Variants in ADGRA3 observed in about 807,000 individuals in gnomAD.
The protein encoded by ADGRA3 is adhesion G protein-coupled receptor A3, also known as G-protein coupled receptor 125.
In ADGRA3, 56 loss-of-function variants were observed where a neutral mutation model predicts 119.8. The ratio of observed to expected loss-of-function variants is 0.47; its 90% CI spans 0.38 to 0.58. ADGRA3 has a LOEUF of 0.58. Among genes scored for constraint, ADGRA3 ranks in the 20% least tolerant of loss-of-function variants. The pLI, the probability that ADGRA3 is intolerant of heterozygous loss-of-function variation, is 0.00. For synonymous variants in ADGRA3, 607 were observed against 623.8 expected, an observed-to-expected ratio of 0.97 and a Z score of 0.40; for missense variants, 1,516 against 1,649.0, an observed-to-expected ratio of 0.92 and a Z score of 1.40.
chr4:22,506,463 G>C (rs181993019), intron 1 of ADGRA3, among the ~76,000 whole-genome samples: 1 of 152,180 alleles, frequency 6.6e-6, no homozygotes, highest in Non-Finnish European at 1.5e-5. Context: ...TGAGGCACAA[G>C]AATCACTTGA....
At chr4:22,510,972 TG>T in intron 1 of ADGRA3, among the ~76,000 whole-genome samples, 1 of 152,378 alleles carries the variant, frequency 6.6e-6, no homozygotes, top group East Asian at 1.9e-4. Context: ...TCTTGTACTT[TG>T]TACTGAGCCA....
At chr4:22,465,646 G>A (rs1717629633) in intron 2 of ADGRA3, among the ~76,000 whole-genome samples, 1 of 151,846 alleles carries the variant, frequency 6.6e-6, no homozygotes, top group Admixed American at 6.6e-5. Flanking sequence ...AATCACCCTA[G>A]GAGGCAGTGT....
At chr4:22,511,989 C>T (rs112541536) in intron 1 of ADGRA3, among the ~76,000 whole-genome samples, 32,139 of 150,096 alleles carry the variant, frequency 0.21, 3,875 homozygotes, top group South Asian at 0.34. Flanking sequence ...CTCCGCCTCC[C>T]GGGTTCAAGC....
At chr4:22,459,811 T>C (rs1717377710) in intron 3 of ADGRA3, among the ~76,000 whole-genome samples, 1 of 152,238 alleles carries the variant, frequency 6.6e-6, no homozygotes, top group Non-Finnish European at 1.5e-5. Context: ...CCTACATTTA[T>C]GTGGTTTCTC....
At chr4:22,463,366 G>C (rs1717540929) in intron 2 of ADGRA3, among the ~76,000 whole-genome samples, 2 of 152,166 alleles carry the variant, frequency 1.3e-5, no homozygotes, top group Non-Finnish European at 2.9e-5. Context: ...GTAGACCCTG[G>C]ACCACTGGCG....
intron 1 of ADGRA3, among the ~76,000 whole-genome samples, chr4:22,489,807 A>G (rs745825042): frequency 6.6e-6 from 1 of 152,164 alleles, no homozygotes; most frequent in Non-Finnish European, 1.5e-5. Context: ...TCTAACTTCA[A>G]TCTCTGCAAG....
rs565303275 is a variant in ADGRA3 at position 22,398,789 on chromosome 4, C to T, written c.2481+2642G>A. On this transcript the variant is annotated intron_variant, in intron 16 of 18. Coordinates refer to ENST00000334304, the MANE Select transcript of ADGRA3 (RefSeq NM_145290.4). Reference sequence around the variant, plus strand: ...GGTTTGTTAGTTCACTCTCTCTGTGCTGGGCATTTGGGTTGCTTCCAGGTT... The same window carrying T: ...GGTTTGTTAGTTCACTCTCTCTGTGTTGGGCATTTGGGTTGCTTCCAGGTT... 3.8e-4 allele frequency among the ~76,000 whole-genome samples: 58 copies of T among 152,270 alleles called. 1 individual carries two copies. Among genetic ancestry groups the T allele is most frequent in the South Asian group, 1.2e-3 (6 of 4,820 alleles).
At chr4:22,449,929 G>T (rs769456665) in intron 4 of ADGRA3, among the ~76,000 whole-genome samples, 1 of 151,732 alleles carries the variant, frequency 6.6e-6, no homozygotes, top group East Asian at 1.9e-4. Flanking sequence ...CTTGGAAATC[G>T]CAAAGGAAGG....
At chr4:22,512,697 A>T (rs1719489316) in intron 1 of ADGRA3, among the ~76,000 whole-genome samples, 1 of 152,200 alleles carries the variant, frequency 6.6e-6, no homozygotes, top group Non-Finnish European at 1.5e-5. Context: ...GAAAACCAGA[A>T]GATGAGAGAC....
intron 10 of ADGRA3, among the ~76,000 whole-genome samples, chr4:22,428,781 C>T (rs1716044102): frequency 6.6e-6 from 1 of 152,160 alleles, no homozygotes; most frequent in South Asian, 2.1e-4. Context: ...TCTGGCTTTA[C>T]GTGCCACAGG....
At chr4:22,392,826 G>T in intron 16 of ADGRA3, 136 bp from the exon 17 acceptor site, 1 of 686,510 alleles carries the variant, frequency 1.5e-6, no homozygotes, top group South Asian at 2.1e-5. Context: ...TCTGTTGCCT[G>T]CTAAGGCAAC....
At chr4:22,475,479 G>C (rs1718006248) in intron 1 of ADGRA3, among the ~76,000 whole-genome samples, 1 of 152,196 alleles carries the variant, frequency 6.6e-6, no homozygotes, top group Non-Finnish European at 1.5e-5. Flanking sequence ...ACGGTTCCCA[G>C]CACTTTGGGA....
At chr4:22,438,020 G>T (rs896240942) in intron 8 of ADGRA3, among the ~76,000 whole-genome samples, 1 of 152,150 alleles carries the variant, frequency 6.6e-6, no homozygotes, top group Non-Finnish European at 1.5e-5. Context: ...AAAACCATTT[G>T]TTAAAAATGA....
intron 2 of ADGRA3, among the ~76,000 whole-genome samples, chr4:22,465,257 T>A (rs973291473): frequency 1.3e-5 from 2 of 152,234 alleles, no homozygotes; most frequent in Non-Finnish European, 2.9e-5. Flanking sequence ...CTTCTCCATA[T>A]GGTACAGGTA....
chr4:22,485,696 T>G (rs923132392), intron 1 of ADGRA3, among the ~76,000 whole-genome samples: 1 of 152,198 alleles, frequency 6.6e-6, no homozygotes, highest in Non-Finnish European at 1.5e-5. Flanking sequence ...TGCCTTTACT[T>G]TTAGGTTCAG....
chr4:22,471,149 C>A (rs1577368406), intron 2 of ADGRA3, among the ~76,000 whole-genome samples: 1 of 152,154 alleles, frequency 6.6e-6, no homozygotes, highest in Admixed American at 6.5e-5. Context: ...GTCTCCCTCC[C>A]AGGGCCAGAG....
At chr4:22,454,818 G>T in intron 4 of ADGRA3, 48 bp downstream of exon 4, 1 of 1,363,506 alleles carries the variant, frequency 7.3e-7, no homozygotes, top group South Asian at 1.2e-5. Flanking sequence ...TTAGGTACTG[G>T]CTCAAATGCT....
chr4:22,468,417 A>C (rs7666972), intron 2 of ADGRA3, among the ~76,000 whole-genome samples: 1,927 of 152,266 alleles, frequency 0.013, 42 homozygotes, highest in African/African-American at 0.043. Context: ...GTATGTCACT[A>C]AATACTGGTA....
intron 11 of ADGRA3, 151 bp from the exon 12 acceptor site, chr4:22,421,240 AG>A: frequency 1.4e-5 from 7 of 514,174 alleles, no homozygotes; most frequent in South Asian, 1.2e-4. Context: ...GATAACTGGC[AG>A]AATAAAAAAA....
Sources: gnomAD v4.1 joint callset for allele counts (sites outside exome capture counted in the v4.1 genomes callset) on GRCh38, gnomAD v4.1.1 for gene constraint, MANE v1.5 for transcripts, NCBI Gene and HGNC (gene_info 2026-07-23, HGNC 2026-07-21) for gene names.